Variants in PATJ observed in about 807,000 individuals in gnomAD.
The protein encoded by PATJ is inaD-like protein.
Under a neutral mutation model 224.9 loss-of-function variants are expected in PATJ, and 190 were observed. That is an observed-to-expected ratio of 0.84 (90% CI 0.75 to 0.95). PATJ has a LOEUF of 0.95. Ranked by LOEUF, PATJ falls within the 40% of genes least tolerant of loss-of-function variation. PATJ has a pLI of 0.00. For synonymous variants in PATJ, 769 were observed against 820.3 expected, an observed-to-expected ratio of 0.94 and a Z score of 1.07; for missense variants, 2,121 against 2,270.3, an observed-to-expected ratio of 0.93 and a Z score of 1.34.
chr1:62,041,559 G>A (rs768610628), intron 30 of PATJ, among the ~76,000 whole-genome samples: 14 of 152,200 alleles, frequency 9.2e-5, no homozygotes, highest in Non-Finnish European at 1.9e-4. Context: ...AGGGAGCTGA[G>A]GGGAAGTAGA....
intron 33 of PATJ, among the ~76,000 whole-genome samples, chr1:62,096,976 C>T (rs889602078): frequency 6.6e-6 from 1 of 152,066 alleles, no homozygotes; most frequent in Non-Finnish European, 1.5e-5. Context: ...ATGTTAGGAG[C>T]TCTCATGAGC....
intron 27 of PATJ, among the ~76,000 whole-genome samples, chr1:61,968,900 C>T (rs1316020476): frequency 2.6e-5 from 4 of 152,216 alleles, no homozygotes; most frequent in Non-Finnish European, 4.4e-5. Flanking sequence ...TCCCTAGTAC[C>T]TGGCAACCAC....
intron 22 of PATJ, among the ~76,000 whole-genome samples, chr1:61,891,148 GA>G (rs939892014): frequency 1.1e-4 from 16 of 151,444 alleles, no homozygotes; most frequent in African/African-American, 1.7e-4. Context: ...ATTTAAAATG[GA>G]AAAAAAAATT....
At chr1:61,750,435 CTT>C (rs3030066) in intron 1 of PATJ, among the ~76,000 whole-genome samples, 7 of 121,218 alleles carry the variant, frequency 5.8e-5, no homozygotes, top group Non-Finnish European at 9.9e-5. Flanking sequence ...TTTTCTGGAG[CTT>C]TTTTTTTTTT....
At chr1:61,877,897 ACT>A (rs1667557181) in intron 21 of PATJ, among the ~76,000 whole-genome samples, 2 of 152,108 alleles carry the variant, frequency 1.3e-5, no homozygotes, top group South Asian at 4.2e-4. Flanking sequence ...GCCCTACAGG[ACT>A]CAATCTTTTT....
chr1:62,066,252 A>G (rs892719336), intron 31 of PATJ, among the ~76,000 whole-genome samples: 3 of 152,188 alleles, frequency 2.0e-5, no homozygotes, highest in African/African-American at 7.2e-5. Flanking sequence ...GTCTATTACT[A>G]TTCCCATTTT....
At chr1:61,807,795 G>A (rs1000837281) in intron 13 of PATJ, among the ~76,000 whole-genome samples, 11 of 152,132 alleles carry the variant, frequency 7.2e-5, no homozygotes, top group African/African-American at 2.2e-4. Context: ...ATCCCTTCCC[G>A]CCAGATGCAT....
intron 3 of PATJ, among the ~76,000 whole-genome samples, 172 bp downstream of exon 3, chr1:61,763,351 T>C (rs1314795683): frequency 6.6e-6 from 1 of 152,058 alleles, no homozygotes; most frequent in Non-Finnish European, 1.5e-5. Flanking sequence ...GCATAGATAA[T>C]TTAGAAATAT....
chr1:61,794,874 G>C (rs1032644660), intron 9 of PATJ, among the ~76,000 whole-genome samples: 2 of 151,840 alleles, frequency 1.3e-5, no homozygotes, highest in Non-Finnish European at 2.9e-5. Flanking sequence ...TGTAATTCCA[G>C]CTACTCAGGA....
At chr1:62,073,077 G>A in intron 31 of PATJ, 1 of 985,304 alleles carries the variant, frequency 1.0e-6, no homozygotes, top group Non-Finnish European at 1.2e-6. Context: ...AGAAGGCACT[G>A]GAATACCCAC....
chr1:61,765,342 G>T (rs1184662388), intron 3 of PATJ, among the ~76,000 whole-genome samples: 29 of 151,034 alleles, frequency 1.9e-4, no homozygotes, highest in African/African-American at 6.1e-4. Flanking sequence ...CTCCCAAAGT[G>T]CTGGGATTAC....
intron 27 of PATJ, among the ~76,000 whole-genome samples, chr1:61,981,863 G>A (rs1231786406): frequency 6.6e-6 from 1 of 152,016 alleles, no homozygotes; most frequent in Non-Finnish European, 1.5e-5. Context: ...TAGAGACAGG[G>A]TTTCACCATG....
chr1:61,984,158 A>T (rs1399912442), intron 27 of PATJ, among the ~76,000 whole-genome samples: 5 of 131,454 alleles, frequency 3.8e-5, no homozygotes, highest in African/African-American at 1.5e-4. Flanking sequence ...AATTATTATT[A>T]TTATTATTTT....
At chr1:61,830,997 C>T (rs541367508) in intron 16 of PATJ, among the ~76,000 whole-genome samples, 20 of 152,048 alleles carry the variant, frequency 1.3e-4, no homozygotes, top group African/African-American at 4.3e-4. Flanking sequence ...ACCTTCCTGA[C>T]TAACACAGTG....
chr1:61,928,410 CT>C (rs1474801065), intron 27 of PATJ, among the ~76,000 whole-genome samples: 1 of 152,030 alleles, frequency 6.6e-6, no homozygotes, highest in East Asian at 1.9e-4. Flanking sequence ...ATGAAATGTT[CT>C]AAGATTAGAT....
chr1:61,764,950 C>A (rs1646175439), intron 3 of PATJ, among the ~76,000 whole-genome samples: 1 of 147,872 alleles, frequency 6.8e-6, no homozygotes, highest in Non-Finnish European at 1.5e-5. Context: ...AATAACAATT[C>A]TTTATATTTG....
chr1:61,906,721 G>T (rs1210143078), intron 24 of PATJ, among the ~76,000 whole-genome samples: 1 of 152,078 alleles, frequency 6.6e-6, no homozygotes, highest in Non-Finnish European at 1.5e-5. Flanking sequence ...CCCTAGTTAA[G>T]TGCAGCTCTG....
intron 30 of PATJ, among the ~76,000 whole-genome samples, chr1:62,039,939 G>C (rs931641339): frequency 1.3e-5 from 2 of 151,766 alleles, no homozygotes; most frequent in East Asian, 1.9e-4. Context: ...CTCCTGGTTG[G>C]GGGGTGGGGG....
chr1:61,797,012 G>T (rs537430405), intron 10 of PATJ, among the ~76,000 whole-genome samples: 136 of 152,046 alleles, frequency 8.9e-4, no homozygotes, highest in Non-Finnish European at 1.6e-3. Flanking sequence ...GTCTGCAGGT[G>T]CCTGCCACCA....
Sources: gnomAD v4.1 joint callset for allele counts (sites outside exome capture counted in the v4.1 genomes callset) on GRCh38, gnomAD v4.1.1 for gene constraint, MANE v1.5 for transcripts, NCBI Gene and HGNC (gene_info 2026-07-23, HGNC 2026-07-21) for gene names.